Variants in CACNA1A observed in about 807,000 individuals in gnomAD.
CACNA1A encodes the protein voltage-dependent P/Q-type calcium channel subunit alpha-1A.
Under a neutral mutation model 262.4 loss-of-function variants are expected in CACNA1A, and 57 were observed. That is an observed-to-expected ratio of 0.22 (90% CI 0.18 to 0.27). CACNA1A has a LOEUF of 0.27. Among genes scored for constraint, CACNA1A ranks in the 10% least tolerant of loss-of-function variants. The pLI, the probability that CACNA1A is intolerant of heterozygous loss-of-function variation, is 1.00. For synonymous variants in CACNA1A, 1,431 were observed against 1,419.3 expected (o/e 1.01, Z -0.18); for missense variants, 2,526 against 3,562.8 (o/e 0.71, Z 7.41).
chr19:13,479,257 T>C (rs2145072402), intron 1 of CACNA1A, among the ~76,000 whole-genome samples: 1 of 152,108 alleles, frequency 6.6e-6, no homozygotes, highest in Admixed American at 6.5e-5. Flanking sequence ...AGCAGACAGA[T>C]GAGTAAGTAA....
intron 24 of CACNA1A, 114 bp downstream of exon 24, chr19:13,275,736 G>A (rs551550624): frequency 1.3e-5 from 10 of 742,206 alleles, no homozygotes; most frequent in South Asian, 5.9e-5. Context: ...CCACGTCCCC[G>A]GAGCCCACAC....
chr19:13,344,005 T>G (rs2145178222), intron 6 of CACNA1A, among the ~76,000 whole-genome samples: 1 of 151,768 alleles, frequency 6.6e-6, no homozygotes, highest in African/African-American at 2.4e-5. Context: ...GAGCTAGGGG[T>G]TTGAGACCAG....
chr19:13,463,263 C>T lies in CACNA1A; in HGVS notation c.294-8051G>A, dbSNP rs959210855. ...TGGCCACAGTTTAGTAAAGGCCAAC[C>T]ATTGCATGCTAGTCCACGCCCTCAT... On this transcript the variant is annotated intron_variant, in intron 1 of 46. Transcript: ENST00000360228. Among the ~76,000 whole-genome samples, 26 of 152,118 alleles carry T rather than the reference C, an allele frequency of 1.7e-4. 1 individual carries two copies.
At chr19:13,416,550 T>A (rs2060226163) in intron 3 of CACNA1A, among the ~76,000 whole-genome samples, 1 of 152,130 alleles carries the variant, frequency 6.6e-6, no homozygotes, top group Admixed American at 6.5e-5. Context: ...GCGCGGTGGC[T>A]CACACCTGTA....
At chr19:13,389,822 ATTTAT>A (rs1193333039) in intron 3 of CACNA1A, among the ~76,000 whole-genome samples, 1 of 151,496 alleles carries the variant, frequency 6.6e-6, no homozygotes, top group Non-Finnish European at 1.5e-5. Flanking sequence ...TTATTTATTT[ATTTAT>A]TTTGAGACAG....
chr19:13,342,720 G>A (rs2058695578), intron 6 of CACNA1A, among the ~76,000 whole-genome samples: 1 of 152,016 alleles, frequency 6.6e-6, no homozygotes. Context: ...TTTTCCTTCT[G>A]GAATAGCAAG....
chr19:13,210,967 T>C, intron 43 of CACNA1A: 1 of 460,566 alleles, frequency 2.2e-6, no homozygotes, highest in South Asian at 2.5e-5. Context: ...CTCGAGCCCC[T>C]GGCCCTGGGC....
Position 13,212,558 on chromosome 19 carries a change from G to A in CACNA1A, c.6051-36C>T, listed in dbSNP as rs1028432037. The A allele has an allele frequency of 9.2e-6, 14 of 1,528,806 alleles. No homozygotes were observed. The highest frequency in any genetic ancestry group is 2.7e-5 in the African/African-American group (2 of 72,968). The allele number at this position is 1,528,806 out of a possible 1,614,324, so 94.7% of individuals were successfully genotyped here. On this transcript the variant is annotated intron_variant, in intron 41 of 46. Transcript: ENST00000360228. This position sits in a 1 kb window ranked among gnomAD's most constrained non-coding sequence, Gnocchi z 5.6. Reference sequence around the variant, plus strand: ...GACAGAGGCCGGGGTAGCAGTGGGCGCTTGGGCAGCTTCCAGAACGTGGGG... The same window carrying A: ...GACAGAGGCCGGGGTAGCAGTGGGCACTTGGGCAGCTTCCAGAACGTGGGG...
At position 13,309,743 on chromosome 19, in the gene CACNA1A, G is replaced by A. The variant is rs577801902; in HGVS notation, c.1669-1215C>T. Among the ~76,000 whole-genome samples, 7 of 152,110 alleles carry A rather than the reference G, an allele frequency of 4.6e-5. 1 individual carries two copies. Among genetic ancestry groups the A allele is most frequent in the African/African-American group, 1.4e-4 (6 of 41,494 alleles). Reference sequence around the variant, plus strand: ...TAAAAAGGGACATGTGGATACCCTGGAAGTTTCCAGAGACACTGTGATATA... The same window carrying A: ...TAAAAAGGGACATGTGGATACCCTGAAAGTTTCCAGAGACACTGTGATATA... On this transcript the variant is annotated intron_variant, in intron 12 of 46. Coordinates refer to ENST00000360228, the MANE Select transcript of CACNA1A (RefSeq NM_001127222.2).
In CACNA1A at chr19:13,506,162, G is replaced by A. The variant is rs946116668; in HGVS notation, c.63C>T (p.Ala21=). 11 of 1,548,080 alleles carry A rather than the reference G, an allele frequency of 7.1e-6. No individual in the cohort carries two copies. Among genetic ancestry groups the A allele is most frequent in the Admixed American group, 4.0e-5 (2 of 50,478 alleles). Residue 21 remains alanine (A), a synonymous_variant, in exon 1 of 47, where the codon GCC becomes GCT. Transcript: ENST00000360228. ...RYGGGGSGAA[A]GVVVGSGGGR... is the part of the protein sequence containing the mutation. ...CGCCTCCGCTGCCCACGACCACCCC[G>A]GCGGCTGCCCCGGAGCCTCCTCCCC...
chr19:13,209,479 G>T lies in CACNA1A; in HGVS notation c.6359C>A (p.Pro2120His), dbSNP rs866381013. ...CAGCACGGAGGCTGAACGCTTCATG[G>T]GGCTGGTGTCTGAGATGGTCTGGGG... ...NNLSTISDTS[P>H]MKRSASVLGP... The change falls in exon 45 of 47, where the codon CCC becomes CAC. Residue 2120 changes from proline (P) to histidine (H), a missense_variant. Physicochemically the swap from Pro to His is moderately conservative, Grantham distance 77. Transcript: ENST00000360228. 1 of 1,336,896 alleles carries T rather than the reference G, an allele frequency of 7.5e-7. No individual in the cohort carries two copies. The highest frequency in any genetic ancestry group is 9.6e-7 in the Non-Finnish European group (1 of 1,037,652). The allele number at this position is 1,336,896 out of a possible 1,614,324, so 82.8% of individuals were successfully genotyped here. A position where few individuals can be genotyped will look rare whatever the true frequency, so the allele number is the denominator to read the frequency against.
chr19:13,333,971 C>T (rs1490103538), intron 8 of CACNA1A: 2 of 174,066 alleles, frequency 1.1e-5, no homozygotes, highest in Non-Finnish European at 2.5e-5. Context: ...TAAATATGTG[C>T]CTACCGTGTA....
intron 3 of CACNA1A, among the ~76,000 whole-genome samples, chr19:13,405,343 C>T (rs1266917347): frequency 1.3e-5 from 2 of 152,038 alleles, no homozygotes; most frequent in Non-Finnish European, 2.9e-5. Context: ...CAGGTATGCA[C>T]CACCATACCT....
intron 3 of CACNA1A, among the ~76,000 whole-genome samples, chr19:13,376,925 T>TA (rs1568586642): frequency 7.1e-5 from 10 of 141,362 alleles, no homozygotes; most frequent in African/African-American, 2.6e-4. Context: ...TACATATATG[T>TA]TATATATATA....
chr19:13,229,304 T>A (rs2055583047), intron 36 of CACNA1A, among the ~76,000 whole-genome samples: 1 of 152,136 alleles, frequency 6.6e-6, no homozygotes, highest in African/African-American at 2.4e-5. Context: ...GGGCTTAGGC[T>A]GCTGAGGGCC....
chr19:13,375,844 G>A (rs2059395996), intron 3 of CACNA1A, among the ~76,000 whole-genome samples: 1 of 152,114 alleles, frequency 6.6e-6, no homozygotes. Context: ...GCCAAGTTGT[G>A]AATGCAAAGG....
chr19:13,259,664 C>A lies in CACNA1A; in HGVS notation c.4288G>T (p.Ala1430Ser). Reference sequence around the variant, plus strand: ...TACTTCTTCCACTCCCGGTCTCGCGCCTTCACCTCATTCTTCTCGTAGAGG... The same window carrying A: ...TACTTCTTCCACTCCCGGTCTCGCGACTTCACCTCATTCTTCTCGTAGAGG... Reference protein sequence around the residue: ...YLLYEKNEVKARDREWKKYEF... With the variant: ...YLLYEKNEVKSRDREWKKYEF... Residue 1430 changes from alanine to serine, a missense_variant, in exon 27 of 47, where the codon GCG becomes TCG. Ala to Ser is a moderately conservative substitution (Grantham distance 99). Around this residue, in one of 17 missense-constraint regions of CACNA1A, gnomAD observed 137 missense variants for 377.7 expected, o/e 0.36. Transcript: ENST00000360228. 1 of 1,611,256 alleles carries A rather than the reference C, an allele frequency of 6.2e-7. No homozygotes were observed. Among genetic ancestry groups the A allele is most frequent in the Non-Finnish European group, 8.5e-7 (1 of 1,178,766 alleles).
chr19:13,431,682 G>GTAC (rs2060506856), intron 3 of CACNA1A, among the ~76,000 whole-genome samples: 1 of 152,150 alleles, frequency 6.6e-6, no homozygotes. Flanking sequence ...ACACAATGAA[G>GTAC]TACTATTCAG....
At chr19:13,327,356 C>T (rs1204490026) in intron 10 of CACNA1A, among the ~76,000 whole-genome samples, 1 of 151,164 alleles carries the variant, frequency 6.6e-6, no homozygotes, top group Admixed American at 6.6e-5. Flanking sequence ...GTGGATTTGC[C>T]TGTAGCAAAC....
Sources: allele counts gnomAD v4.1 joint callset (sites outside exome capture counted in the v4.1 genomes callset), GRCh38; gene constraint gnomAD v4.1.1; regional missense constraint gnomAD v4.1.1; non-coding constraint Gnocchi (gnomAD v3.1); transcripts MANE v1.5; gene names NCBI Gene and HGNC (gene_info 2026-07-23, HGNC 2026-07-21).